The following PGAP4 variants were observed in gnomAD, a reference collection of about 807,000 sequenced individuals.
The protein encoded by PGAP4 is post-GPI attachment to proteins GalNAc transferase 4.
A neutral mutation model predicts 28.2 loss-of-function variants in PGAP4; 12 were observed. The observed-to-expected ratio is 0.42, with a 90% CI of 0.27 to 0.69. The LOEUF is 0.69. PGAP4 is among the 30% of genes least tolerant of loss of function. PGAP4 has a pLI of 0.22. For missense variants in PGAP4, 425 were observed against 513.5 expected (o/e 0.83, Z 1.67); for synonymous variants, 205 against 211.8 (o/e 0.97, Z 0.28).
chr9:101,482,930 C>A (rs1262030199), intron 1 of PGAP4, among the ~76,000 whole-genome samples: 1 of 152,166 alleles, frequency 6.6e-6, no homozygotes, highest in African/African-American at 2.4e-5. Flanking sequence ...TTCTTCTGAA[C>A]AAAATAGCAA....
chr9:101,509,202 A>T (rs1467825540), intron 2 of PGAP4, among the ~76,000 whole-genome samples: 1 of 152,120 alleles, frequency 6.6e-6, no homozygotes, highest in African/African-American at 2.4e-5. Context: ...GAGATAGGTG[A>T]TCACCCACCA....
upstream of PGAP4, among the ~76,000 whole-genome samples, chr9:101,491,856 A>G (rs1320136061): frequency 1.0e-5 from 1 of 100,396 alleles, no homozygotes; most frequent in Non-Finnish European, 2.0e-5. Flanking sequence ...TATTCTTTTA[A>G]AATCTGTTGG....
At chr9:101,527,756 C>T (rs1037015916) in intron 2 of PGAP4, among the ~76,000 whole-genome samples, 1 of 152,146 alleles carries the variant, frequency 6.6e-6, no homozygotes, top group African/African-American at 2.4e-5. Context: ...TAAATATAAA[C>T]AAGGCTACAG....
At chr9:101,503,989 T>C (rs1826825783) in intron 2 of PGAP4, among the ~76,000 whole-genome samples, 1 of 151,952 alleles carries the variant, frequency 6.6e-6, no homozygotes, top group Admixed American at 6.6e-5. Flanking sequence ...AAGTACCACA[T>C]AATCAAACTG....
chr9:101,508,121 T>G (rs1187487926), intron 2 of PGAP4, among the ~76,000 whole-genome samples: 2 of 125,544 alleles, frequency 1.6e-5, no homozygotes, highest in Non-Finnish European at 3.2e-5. Context: ...AAATCCTTTT[T>G]GAGTGTTTTT....
chr9:101,522,341 T>C (rs1826996154), intron 2 of PGAP4, among the ~76,000 whole-genome samples: 1 of 152,214 alleles, frequency 6.6e-6, no homozygotes, highest in Admixed American at 6.5e-5. Flanking sequence ...ATTATGTTGC[T>C]GTGTGTTTCA....
intron 2 of PGAP4, among the ~76,000 whole-genome samples, chr9:101,521,838 G>T (rs1324032424): frequency 2.6e-5 from 4 of 152,144 alleles, no homozygotes; most frequent in Non-Finnish European, 5.9e-5. Context: ...TCTTTTTGAT[G>T]TAGGTATTTA....
intron 2 of PGAP4, among the ~76,000 whole-genome samples, chr9:101,493,302 T>C (rs1009777839): frequency 1.3e-5 from 2 of 151,992 alleles, no homozygotes; most frequent in Non-Finnish European, 1.5e-5. Flanking sequence ...AAGTGCAGTC[T>C]TATCTTTCAA....
At chr9:101,495,944 A>T (rs559025342) in intron 2 of PGAP4, among the ~76,000 whole-genome samples, 1 of 151,594 alleles carries the variant, frequency 6.6e-6, no homozygotes, top group African/African-American at 2.4e-5. Flanking sequence ...GGAAATGGGT[A>T]CTTGAATTTA....
intron 2 of PGAP4, among the ~76,000 whole-genome samples, chr9:101,518,105 A>G (rs2900310): frequency 0.64 from 97,285 of 151,844 alleles, 31,758 homozygotes; most frequent in East Asian, 0.82. Flanking sequence ...TCAATGTTTA[A>G]CTTCCACTTA....
At chr9:101,493,457 C>T (rs992445787) in intron 2 of PGAP4, among the ~76,000 whole-genome samples, 8 of 152,002 alleles carry the variant, frequency 5.3e-5, no homozygotes, top group African/African-American at 1.9e-4. Flanking sequence ...ATGCATGCAA[C>T]AAAATATCAT....
At chr9:101,517,644 G>A (rs755476278) in intron 2 of PGAP4, among the ~76,000 whole-genome samples, 1 of 152,140 alleles carries the variant, frequency 6.6e-6, no homozygotes, top group Non-Finnish European at 1.5e-5. Context: ...TGGGTTGGGG[G>A]AGGCAATGAG....
intron 2 of PGAP4, among the ~76,000 whole-genome samples, chr9:101,493,163 A>G (rs2118576007): frequency 6.6e-6 from 1 of 151,854 alleles, no homozygotes; most frequent in Admixed American, 6.6e-5. Context: ...CTGAGGCAGG[A>G]GAATCACTTG....
intron 2 of PGAP4, among the ~76,000 whole-genome samples, chr9:101,524,831 G>T (rs1405912096): frequency 1.3e-5 from 2 of 152,164 alleles, no homozygotes; most frequent in African/African-American, 4.8e-5. Context: ...GGCTCTCCTG[G>T]GTCCTGCAGG....
chr9:101,489,191 T>C (rs1027435500), upstream of PGAP4: 11 of 152,036 alleles, frequency 7.2e-5, no homozygotes, highest in African/African-American at 2.2e-4. Context: ...TTAATCAACA[T>C]GCTATATTTC....
At chr9:101,517,948 G>A (rs1826955398) in intron 2 of PGAP4, among the ~76,000 whole-genome samples, 1 of 152,144 alleles carries the variant, frequency 6.6e-6, no homozygotes. Context: ...GGAACTCTGT[G>A]TGACACTGAG....
chr9:101,515,237 C>A (rs1826933493), intron 2 of PGAP4, among the ~76,000 whole-genome samples: 1 of 152,114 alleles, frequency 6.6e-6, no homozygotes, highest in Non-Finnish European at 1.5e-5. Flanking sequence ...GCTGCTGCAT[C>A]CTTGGGCATC....
At chr9:101,496,702 A>G (rs990162831) in intron 2 of PGAP4, among the ~76,000 whole-genome samples, 2 of 151,328 alleles carry the variant, frequency 1.3e-5, no homozygotes, top group Non-Finnish European at 3.0e-5. Context: ...CTTTAAAAAA[A>G]CCAAAAACAG....
At chr9:101,484,423 A>G (rs1215557197) in intron 1 of PGAP4, among the ~76,000 whole-genome samples, 1 of 152,212 alleles carries the variant, frequency 6.6e-6, no homozygotes, top group Non-Finnish European at 1.5e-5. Context: ...ATATGTTGAC[A>G]TAAAAGAAAT....
Sources: gnomAD v4.1 joint callset for allele counts (sites outside exome capture counted in the v4.1 genomes callset) on GRCh38, gnomAD v4.1.1 for gene constraint, MANE v1.5 for transcripts, NCBI Gene and HGNC (gene_info 2026-07-23, HGNC 2026-07-21) for gene names.